CDC40: variants seen among roughly 807,000 people sequenced by gnomAD.
CDC40 encodes the protein cell division cycle 40.
In CDC40, 27 loss-of-function variants were observed where a neutral mutation model predicts 80.6. That is an observed-to-expected ratio of 0.33 (90% CI 0.25 to 0.46). The LOEUF (loss-of-function observed/expected upper bound fraction) is 0.46, where lower values mean the gene tolerates loss of function less well. Among genes scored for constraint, CDC40 ranks in the 20% least tolerant of loss-of-function variants. The pLI is 1.00. For synonymous variants in CDC40, 221 were observed against 232.6 expected (o/e 0.95, Z 0.45); for missense variants, 486 against 694.1 (o/e 0.70, Z 3.37).
At chr6:110,198,296 G>A (rs1411912346) in intron 2 of CDC40, among the ~76,000 whole-genome samples, 1 of 151,314 alleles carries the variant, frequency 6.6e-6, no homozygotes, top group Non-Finnish European at 1.5e-5. Context: ...TCCCACCTCA[G>A]ACTCCTGAGT....
chr6:110,219,315 T>C (rs772521879), intron 10 of CDC40, 49 bp from the exon 11 acceptor site: 3 of 856,982 alleles, frequency 3.5e-6, no homozygotes. Flanking sequence ...CAGTCATCTT[T>C]AAGTGGTCAA....
At chr6:110,205,461 G>T (rs1777550064) in intron 3 of CDC40, among the ~76,000 whole-genome samples, 1 of 152,212 alleles carries the variant, frequency 6.6e-6, no homozygotes, top group South Asian at 2.1e-4. Context: ...ACTCTTATTT[G>T]TAAAAGGAAA....
chr6:110,221,869 T>C (rs1233420665), intron 12 of CDC40, among the ~76,000 whole-genome samples: 1 of 151,566 alleles, frequency 6.6e-6, no homozygotes, highest in Non-Finnish European at 1.5e-5. Context: ...ATGTTTCTTT[T>C]TTTTTTTTTT....
chr6:110,209,300 G>T (rs748471837), intron 5 of CDC40, 77 bp downstream of exon 5: 58 of 1,345,096 alleles, frequency 4.3e-5, no homozygotes, highest in Non-Finnish European at 5.8e-5. Context: ...TAATAAACTT[G>T]AGATTTCTTT....
intron 1 of CDC40, among the ~76,000 whole-genome samples, chr6:110,188,949 TC>T (rs1777310205): frequency 1.3e-5 from 2 of 152,226 alleles, no homozygotes; most frequent in South Asian, 4.1e-4. Context: ...TCTCCACACT[TC>T]CTGGTAATTC....
In CDC40 at chr6:110,220,252, G is replaced by A. The variant is rs79973019; in HGVS notation, c.1340+383G>A. Among the ~76,000 whole-genome samples, 945 of 152,162 alleles carry A rather than the reference G, an allele frequency of 6.2e-3. 3 individuals carry two copies. Among genetic ancestry groups the A allele is most frequent in the Admixed American group, 0.012 (186 of 15,274 alleles). ...AGAACCACCCAAAGAAAATAGTGGT[G>A]TATATCTTAATTTTTTAAATGTCTA... On this transcript the variant is annotated intron_variant, in intron 12 of 14. Transcript: ENST00000307731.
chr6:110,180,428 G>T lies in CDC40; in HGVS notation c.-17G>T. The T allele has an allele frequency of 6.2e-7, 1 of 1,613,800 alleles. No individual in the cohort carries two copies. On this transcript the variant is annotated 5_prime_UTR_variant, in exon 1 of 15. Coordinates refer to ENST00000307731, the MANE Select transcript of CDC40 (RefSeq NM_015891.3). ...CTTCCGCCCTGGCAGGGTCTCCGCA[G>T]AAGATTTGTTGCCGTCATGTCGGCT...
In CDC40 at chr6:110,207,507, T is replaced by C; in HGVS notation, c.408T>C (p.Gly136=). ...EQQRRTFATY[G]YALDPSLDNH... The stretch of plus-strand genomic sequence containing the variant: ...TAATTTTCACTTTTTTGCTTTCAGG[T>C]TATGCATTAGACCCTTCATTAGATA... The change falls in exon 4 of 15, where the codon GGT becomes GGC. Residue 136 remains glycine (G), a splice_region_variant and synonymous_variant. Transcript: ENST00000307731. The C allele has an allele frequency of 2.6e-6, 4 of 1,560,930 alleles. No individual in the cohort carries two copies. The highest frequency in any genetic ancestry group is 3.5e-6 in the Non-Finnish European group (4 of 1,136,742).
At chr6:110,214,018 T>C (rs1777670179) in intron 8 of CDC40, among the ~76,000 whole-genome samples, 1 of 152,210 alleles carries the variant, frequency 6.6e-6, no homozygotes. Context: ...ATAGTGCTCT[T>C]GGGGCTTGAA....
Position 110,213,125 on chromosome 6 carries a change from T to A in CDC40, c.907T>A (p.Leu303Ile). The part of the protein sequence containing the change: ...AVRLFPLSGH[L>I]LLSCSMDCKI... Reference sequence around the variant, plus strand: ...CAGATTGTTTCCTCTCTCTGGCCATTTATTGCTGTCTTGTTCCATGGACTG... The same window carrying A: ...CAGATTGTTTCCTCTCTCTGGCCATATATTGCTGTCTTGTTCCATGGACTG... Residue 303 changes from leucine (L) to isoleucine (I), a missense_variant, in exon 8 of 15, where the codon TTA becomes ATA. Physicochemically the swap from Leu to Ile is conservative, Grantham distance 5 (BLOSUM62 2). Coordinates refer to ENST00000307731, the MANE Select transcript of CDC40 (RefSeq NM_015891.3). 3 of 1,612,340 alleles carry A rather than the reference T, an allele frequency of 1.9e-6. No homozygotes were observed. Among genetic ancestry groups the A allele is most frequent in the Non-Finnish European group, 2.5e-6 (3 of 1,178,320 alleles).
At chr6:110,228,803 C>G in intron 13 of CDC40, 29 bp from the exon 14 acceptor site, 1 of 1,541,356 alleles carries the variant, frequency 6.5e-7, no homozygotes, top group Non-Finnish European at 8.7e-7. Context: ...TAGTCTTCCT[C>G]TAAAATACCT....
chr6:110,224,165 A>G (rs913788171), intron 12 of CDC40: 2 of 152,064 alleles, frequency 1.3e-5, no homozygotes, highest in Admixed American at 1.3e-4. Context: ...TATCATAGGC[A>G]TGTTTTTTCC....
chr6:110,184,745 A>T (rs1777242838), intron 1 of CDC40, among the ~76,000 whole-genome samples: 1 of 152,184 alleles, frequency 6.6e-6, no homozygotes, highest in Non-Finnish European at 1.5e-5. Flanking sequence ...AACATCAATA[A>T]AAATAGACTT....
intron 5 of CDC40, among the ~76,000 whole-genome samples, chr6:110,210,325 G>A (rs977319197): frequency 7.9e-5 from 12 of 151,910 alleles, no homozygotes; most frequent in African/African-American, 2.4e-4. Flanking sequence ...CGAGGCGGGC[G>A]CATTGCCAGA....
At chr6:110,224,903 C>A (rs938753395) in intron 12 of CDC40, among the ~76,000 whole-genome samples, 1 of 152,140 alleles carries the variant, frequency 6.6e-6, no homozygotes, top group Non-Finnish European at 1.5e-5. Context: ...TGTTTTAATT[C>A]ATGTTGTAAA....
At chr6:110,185,644 C>T (rs77188290) in intron 1 of CDC40, among the ~76,000 whole-genome samples, 4,022 of 152,174 alleles carry the variant, frequency 0.026, 172 homozygotes, top group African/African-American at 0.091. Flanking sequence ...AAATTAGTCT[C>T]AACAGATTTA....
chr6:110,219,624 A>G (rs934718738), intron 11 of CDC40, 112 bp from the exon 12 acceptor site: 3 of 1,339,126 alleles, frequency 2.2e-6, no homozygotes, highest in South Asian at 1.3e-5. Context: ...AAAAATTTAC[A>G]TTTATAAAAA....
intron 2 of CDC40, among the ~76,000 whole-genome samples, chr6:110,195,570 T>G (rs1023788704): frequency 1.3e-5 from 2 of 152,232 alleles, no homozygotes; most frequent in Non-Finnish European, 2.9e-5. Context: ...AATTTTTATC[T>G]TATTGAGTTA....
At chr6:110,205,979 T>A (rs983642254) in intron 3 of CDC40, among the ~76,000 whole-genome samples, 3 of 152,214 alleles carry the variant, frequency 2.0e-5, no homozygotes, top group African/African-American at 7.2e-5. Flanking sequence ...ATTTTAATGC[T>A]GAAAAAAACT....
Sources: gnomAD v4.1 joint callset for allele counts (sites outside exome capture counted in the v4.1 genomes callset) on GRCh38, gnomAD v4.1.1 for gene constraint, MANE v1.5 for transcripts, NCBI Gene and HGNC (gene_info 2026-07-23, HGNC 2026-07-21) for gene names.